DCAF5: variants seen among roughly 807,000 people sequenced by gnomAD.
DCAF5 encodes the protein DDB1 and CUL4 associated factor 5, also known as DDB1- and CUL4-associated factor 5.
DCAF5 carries 9 observed loss-of-function variants against 80.7 expected under a neutral mutation model. The ratio of observed to expected loss-of-function variants is 0.11; its 90% CI spans 0.07 to 0.19. The LOEUF (loss-of-function observed/expected upper bound fraction) is 0.19. DCAF5 is among the 10% of genes least tolerant of loss of function. The pLI is 1.00. For missense variants in DCAF5, 842 were observed against 1,205.7 expected (o/e 0.70, Z 4.47); for synonymous variants, 433 against 461.9 (o/e 0.94, Z 0.80).
chr14:69,123,349 C>A (rs1297810688), intron 1 of DCAF5, among the ~76,000 whole-genome samples: 2 of 152,020 alleles, frequency 1.3e-5, no homozygotes, highest in Non-Finnish European at 2.9e-5. Context: ...AAGGAATGAG[C>A]ATTGACAGTA....
rs371386301 is a variant in DCAF5 at position 69,150,516 on chromosome 14, T to C, written c.214+2249A>G. On this transcript the variant is annotated intron_variant, in intron 1 of 8. Coordinates refer to ENST00000341516, the MANE Select transcript of DCAF5 (RefSeq NM_003861.3). ...AAGTAGTAATAACTGGTAAAGAACATTTCGTGCTTTTAAAAATGTAACTTC... is the reference window on the plus strand; with the variant it reads ...AAGTAGTAATAACTGGTAAAGAACACTTCGTGCTTTTAAAAATGTAACTTC... 2.6e-5 allele frequency among the ~76,000 whole-genome samples: 4 copies of C among 152,264 alleles called. No individual in the cohort carries two copies. The East Asian group carries it at 5.8e-4, about 22-fold the overall frequency.
intron 7 of DCAF5, among the ~76,000 whole-genome samples, chr14:69,071,066 G>A (rs1026109304): frequency 2.0e-5 from 3 of 152,094 alleles, no homozygotes; most frequent in Admixed American, 1.3e-4. Flanking sequence ...CCAAAGTGCC[G>A]GGATTATAGG....
At chr14:69,065,895 C>A (rs1234789544) in intron 7 of DCAF5, among the ~76,000 whole-genome samples, 2 of 152,132 alleles carry the variant, frequency 1.3e-5, no homozygotes, top group African/African-American at 4.8e-5. Context: ...ACATAATCTC[C>A]CTTCAGGGTC....
intron 6 of DCAF5, chr14:69,090,306 A>G (rs2039487676): frequency 5.7e-6 from 1 of 176,754 alleles, no homozygotes; most frequent in Admixed American, 6.5e-5. Flanking sequence ...CCCACCCAAG[A>G]AACAAATTCC....
chr14:69,081,856 T>C (rs995196016), intron 6 of DCAF5, among the ~76,000 whole-genome samples: 9 of 152,188 alleles, frequency 5.9e-5, no homozygotes, highest in Non-Finnish European at 1.0e-4. Context: ...TCAGTTACTA[T>C]TCATTGAGTA....
intron 5 of DCAF5, among the ~76,000 whole-genome samples, chr14:69,103,844 C>T (rs1465633338): frequency 6.6e-6 from 1 of 152,168 alleles, no homozygotes; most frequent in Non-Finnish European, 1.5e-5. Context: ...ATGAGGATTA[C>T]ATAAGTGGAA....
In DCAF5 at chr14:69,051,145, T is replaced by G. The variant is rs1253549517; in HGVS notation, c.*2712A>C. The G allele has an allele frequency of 1.3e-5, 2 of 152,332 alleles. No individual in the cohort carries two copies. The highest frequency in any genetic ancestry group is 4.1e-4 in the South Asian group (2 of 4,824). The allele number at this position is 152,332 out of a possible 1,614,324, so 9.4% of individuals were successfully genotyped here. Reference sequence around the variant, plus strand: ...ATCATTAACAAAACCAGCTGGAAAATAGAGAGAAATGATTTTACATATCTG... The same window carrying G: ...ATCATTAACAAAACCAGCTGGAAAAGAGAGAGAAATGATTTTACATATCTG... On this transcript the variant is annotated 3_prime_UTR_variant, in exon 9 of 9. Coordinates refer to ENST00000341516, the MANE Select transcript of DCAF5 (RefSeq NM_003861.3).
At position 69,088,971 on chromosome 14, in the gene DCAF5, TA is replaced by T. The variant is rs1323312230; in HGVS notation, c.879+2702del. ...GAGACATGTTCTAGGACTGGGACAG[TA>T]AGTCTGACTTCTTGTGCACACTTAA... On this transcript the variant is annotated intron_variant, in intron 6 of 8. Transcript: ENST00000341516. Among the ~76,000 whole-genome samples, 3 of 124,550 alleles carry T rather than the reference TA, an allele frequency of 2.4e-5. No homozygotes were observed. The East Asian group carries it at 7.3e-4, about 30-fold the overall frequency. 81.7% of individuals were successfully genotyped at this position (124,550 alleles called of 152,430 possible). A position where few individuals can be genotyped will look rare whatever the true frequency, so the allele number is the denominator to read the frequency against.
chr14:69,077,207 T>TTG (rs930418888), intron 6 of DCAF5, among the ~76,000 whole-genome samples: 3 of 152,098 alleles, frequency 2.0e-5, no homozygotes, highest in African/African-American at 4.8e-5. Context: ...TGTTTTCCTT[T>TTG]TGTGTGTGTG....
rs928350559 is a variant in DCAF5 at position 69,139,305 on chromosome 14, G to C, written c.214+13460C>G. The stretch of plus-strand genomic sequence containing the variant: ...GTTCAAGACCAGCCTGGGCAACATA[G>C]AGACCTTGTCTCTACGAAAAAATTA... On this transcript the variant is annotated intron_variant, in intron 1 of 8. Transcript: ENST00000341516. 3.3e-5 allele frequency among the ~76,000 whole-genome samples: 5 copies of C among 152,072 alleles called. No homozygotes were observed. The East Asian group carries it at 7.7e-4, about 24-fold the overall frequency.
intron 1 of DCAF5, among the ~76,000 whole-genome samples, chr14:69,144,141 G>C (rs1265956004): frequency 6.6e-6 from 1 of 151,886 alleles, no homozygotes. Context: ...AAATCTCATT[G>C]CCTTTCTACA....
At chr14:69,107,437 A>T (rs1222898116) in intron 5 of DCAF5, among the ~76,000 whole-genome samples, 2 of 152,192 alleles carry the variant, frequency 1.3e-5, no homozygotes, top group Non-Finnish European at 2.9e-5. Context: ...GTCCCACCCC[A>T]AACCAACAAC....
intron 5 of DCAF5, among the ~76,000 whole-genome samples, chr14:69,101,275 C>T (rs1056933802): frequency 3.9e-5 from 6 of 152,220 alleles, no homozygotes; most frequent in Non-Finnish European, 7.3e-5. Flanking sequence ...TCATCTAAGT[C>T]ATTCACTTCA....
intron 1 of DCAF5, among the ~76,000 whole-genome samples, chr14:69,142,566 TATC>T (rs1013018675): frequency 6.6e-4 from 100 of 152,312 alleles, no homozygotes; most frequent in African/African-American, 2.2e-3. Flanking sequence ...TAAACAGGCT[TATC>T]ATCTGGTCTA....
chr14:69,084,576 T>C (rs1215316109), intron 6 of DCAF5: 12 of 785,216 alleles, frequency 1.5e-5, no homozygotes, highest in African/African-American at 1.0e-4. Context: ...GTGGATGGTC[T>C]TGAGCAGGGA....
At chr14:69,116,771 G>C (rs1323436386) in intron 4 of DCAF5, among the ~76,000 whole-genome samples, 1 of 151,950 alleles carries the variant, frequency 6.6e-6, no homozygotes, top group African/African-American at 2.4e-5. Context: ...AACAGAAACG[G>C]CCACTAAAAA....
intron 1 of DCAF5, among the ~76,000 whole-genome samples, chr14:69,133,280 A>T (rs1459249288): frequency 1.3e-5 from 2 of 152,210 alleles, no homozygotes; most frequent in East Asian, 3.8e-4. Flanking sequence ...ACCATGATGC[A>T]ATCCAGCCTC....
At position 69,077,336 on chromosome 14, in the gene DCAF5, G is replaced by A. The variant is rs150558404; in HGVS notation, c.880-1925C>T. Among the ~76,000 whole-genome samples, 839 of 151,822 alleles carry A rather than the reference G, an allele frequency of 5.5e-3. 10 individuals are homozygous for A. Among genetic ancestry groups the A allele is most frequent in the Middle Eastern group, 0.024 (7 of 294 alleles). On this transcript the variant is annotated intron_variant, in intron 6 of 8. Transcript: ENST00000341516. Reference sequence around the variant, plus strand: ...TCCTGCTTCAGCCTCCCCAGGAGATGGAACACAGGCATGCACCACGACATG... The same window carrying A: ...TCCTGCTTCAGCCTCCCCAGGAGATAGAACACAGGCATGCACCACGACATG...
At chr14:69,137,466 G>C (rs1445257194) in intron 1 of DCAF5, among the ~76,000 whole-genome samples, 1 of 152,008 alleles carries the variant, frequency 6.6e-6, no homozygotes, top group Admixed American at 6.6e-5. Flanking sequence ...TTGTACATAA[G>C]AACACTGCCT....
Sources: allele counts gnomAD v4.1 joint callset (sites outside exome capture counted in the v4.1 genomes callset), GRCh38; gene constraint gnomAD v4.1.1; transcripts MANE v1.5; gene names NCBI Gene and HGNC (gene_info 2026-07-23, HGNC 2026-07-21).